The following CMSS1 variants were observed in gnomAD, a reference collection of about 807,000 sequenced individuals.
CMSS1 encodes cms1 ribosomal small subunit homolog.
Under a neutral mutation model 43.5 loss-of-function variants are expected in CMSS1, and 33 were observed. The observed-to-expected ratio is 0.76, with a 90% CI of 0.57 to 1.01. The LOEUF is 1.01. Ranked by LOEUF, CMSS1 falls within the 50% of genes least tolerant of loss-of-function variation. The pLI is 0.00. For missense variants in CMSS1, 313 were observed against 326.4 expected, an observed-to-expected ratio of 0.96 and a Z score of 0.32; for synonymous variants, 115 against 117.2, an observed-to-expected ratio of 0.98 and a Z score of 0.12.
At chr3:99,908,508 T>C (rs1046918945) in intron 1 of CMSS1, among the ~76,000 whole-genome samples, 20 of 152,198 alleles carry the variant, frequency 1.3e-4, no homozygotes, top group African/African-American at 4.3e-4. Flanking sequence ...GCAATAATGA[T>C]GATCACTTAG....
intron 1 of CMSS1, among the ~76,000 whole-genome samples, chr3:100,090,562 A>G (rs1427340381): frequency 1.3e-5 from 2 of 152,180 alleles, no homozygotes; most frequent in African/African-American, 2.4e-5. Flanking sequence ...CTGTTCTGCA[A>G]TCCCCTGCCT....
intron 1 of CMSS1, chr3:99,847,815 T>C (rs549543762): frequency 1.6e-4 from 55 of 337,934 alleles, no homozygotes; most frequent in African/African-American, 1.2e-3. Flanking sequence ...GGGACATAGG[T>C]CCTGTTTGTT....
chr3:99,864,647 T>C (rs1944422184), intron 1 of CMSS1, among the ~76,000 whole-genome samples: 1 of 152,100 alleles, frequency 6.6e-6, no homozygotes. Context: ...TCCCATGCTT[T>C]CTGCTCCACC....
chr3:100,148,717 A>G (rs2066876179), intron 2 of CMSS1, among the ~76,000 whole-genome samples: 1 of 152,206 alleles, frequency 6.6e-6, no homozygotes, highest in Admixed American at 6.5e-5. Context: ...ATCAGAGAGT[A>G]ATCACTGAAG....
intron 1 of CMSS1, among the ~76,000 whole-genome samples, chr3:99,945,043 A>G (rs932579845): frequency 1.3e-5 from 2 of 152,190 alleles, no homozygotes; most frequent in Admixed American, 6.5e-5. Context: ...ACTCTGCTTA[A>G]GTCAAAAATC....
Position 100,118,328 on chromosome 3 carries a change from A to G in CMSS1, c.65-28645A>G, listed in dbSNP as rs555448461. ...CATACACGGCTTATATTATATCTCT[A>G]TTAGATAGCATTGCTATAGTATTGT... On this transcript the variant is annotated intron_variant, in intron 1 of 9. Coordinates refer to ENST00000421999, the MANE Select transcript of CMSS1 (RefSeq NM_032359.4). Among the ~76,000 whole-genome samples the G allele has an allele frequency of 3.3e-5, 5 of 152,124 alleles. 1 individual carries two copies. Among genetic ancestry groups the G allele is most frequent in the South Asian group, 4.1e-4 (2 of 4,822 alleles).
chr3:100,161,466 C>T (rs1007615834), intron 3 of CMSS1, among the ~76,000 whole-genome samples: 5 of 151,970 alleles, frequency 3.3e-5, no homozygotes, highest in African/African-American at 9.7e-5. Flanking sequence ...TAAAATGTGC[C>T]CACTGATGAC....
intron 1 of CMSS1, among the ~76,000 whole-genome samples, chr3:100,117,582 G>A (rs2066581360): frequency 1.3e-5 from 2 of 151,894 alleles, no homozygotes; most frequent in Admixed American, 6.6e-5. Context: ...TGGTTATTAA[G>A]AGCATAAAGT....
chr3:99,983,385 AATAAATAT>A (rs1191353298), intron 1 of CMSS1, among the ~76,000 whole-genome samples: 2,543 of 83,994 alleles, frequency 0.03, 143 homozygotes, highest in African/African-American at 0.086. Context: ...AAAATAAATA[AATAAATAT>A]ATATATATAT....
chr3:100,172,553 A>C (rs950611430), intron 8 of CMSS1, 150 bp downstream of exon 8: 8 of 627,194 alleles, frequency 1.3e-5, no homozygotes, highest in Admixed American at 5.7e-5. Context: ...CTCTGAAACC[A>C]ACCAGCAAGT....
At chr3:99,909,839 G>A (rs1168114592) in intron 1 of CMSS1, among the ~76,000 whole-genome samples, 2 of 152,174 alleles carry the variant, frequency 1.3e-5, no homozygotes, top group Non-Finnish European at 2.9e-5. Context: ...ATGGAGAGTA[G>A]GTGATGAAAG....
intron 1 of CMSS1, among the ~76,000 whole-genome samples, chr3:99,965,060 A>G (rs966011450): frequency 2.6e-5 from 4 of 152,226 alleles, no homozygotes; most frequent in African/African-American, 9.6e-5. Flanking sequence ...ATAAAGTTTT[A>G]AAGGAAATTT....
At chr3:100,049,445 A>C (rs1438202403) in intron 1 of CMSS1, among the ~76,000 whole-genome samples, 1 of 152,214 alleles carries the variant, frequency 6.6e-6, no homozygotes, top group Non-Finnish European at 1.5e-5. Context: ...CTAGAGTGTC[A>C]TATTTTTAAG....
chr3:100,038,622 A>G (rs890794631), intron 1 of CMSS1, among the ~76,000 whole-genome samples: 3 of 152,208 alleles, frequency 2.0e-5, no homozygotes, highest in African/African-American at 7.2e-5. Context: ...ATCCAATACT[A>G]TGCTTCCATA....
intron 1 of CMSS1, among the ~76,000 whole-genome samples, chr3:99,921,307 C>T (rs1380971485): frequency 6.6e-6 from 1 of 152,144 alleles, no homozygotes; most frequent in Non-Finnish European, 1.5e-5. Context: ...TTAGTTTCCC[C>T]CACTTCCTGT....
chr3:100,160,416 G>C lies in CMSS1; in HGVS notation c.154-14G>C, dbSNP rs1559776158. ...TGAAAAGATTAAAATGTTCTCATTTGTATTTCTTAATAGCCTAAAGAATGT... is the reference window on the plus strand; with the variant it reads ...TGAAAAGATTAAAATGTTCTCATTTCTATTTCTTAATAGCCTAAAGAATGT... On this transcript the variant is annotated splice_polypyrimidine_tract_variant and intron_variant, in intron 2 of 9. Coordinates refer to ENST00000421999, the MANE Select transcript of CMSS1 (RefSeq NM_032359.4). 2.3e-6 allele frequency: 3 copies of C among 1,328,326 alleles called. No individual in the cohort carries two copies. Among genetic ancestry groups the C allele is most frequent in the Non-Finnish European group, 2.1e-6 (2 of 930,350 alleles). 82.3% of individuals were successfully genotyped at this position (1,328,326 alleles called of 1,614,324 possible).
chr3:100,172,535 C>G (rs1275212279), intron 8 of CMSS1, 132 bp downstream of exon 8: 5 of 670,334 alleles, frequency 7.5e-6, no homozygotes, highest in Admixed American at 5.6e-5. Context: ...GGAAACTCAG[C>G]CTTTAATCTC....
intron 1 of CMSS1, among the ~76,000 whole-genome samples, chr3:100,004,160 C>T (rs760641395): frequency 4.6e-5 from 7 of 152,128 alleles, no homozygotes; most frequent in Non-Finnish European, 7.4e-5. Context: ...GTAATTTTGA[C>T]ATAAATTGAG....
intron 1 of CMSS1, chr3:100,010,180 G>T: frequency 2.1e-6 from 2 of 944,404 alleles, no homozygotes; most frequent in Non-Finnish European, 2.5e-6. Context: ...TTTTCCATTT[G>T]GTAAAGTATT....
Sources: gnomAD v4.1 joint callset for allele counts (sites outside exome capture counted in the v4.1 genomes callset) on GRCh38, gnomAD v4.1.1 for gene constraint, MANE v1.5 for transcripts, NCBI Gene and HGNC (gene_info 2026-07-23, HGNC 2026-07-21) for gene names.